CADM2: variants seen among roughly 807,000 people sequenced by gnomAD.
CADM2 encodes the protein cell adhesion molecule 2, also known as immunoglobulin superfamily member 4D.
Under a neutral mutation model 49.8 loss-of-function variants are expected in CADM2, and 12 were observed. That is an observed-to-expected ratio of 0.24 (90% CI 0.15 to 0.39). The LOEUF is 0.39. Among genes scored for constraint, CADM2 ranks in the 10% least tolerant of loss-of-function variants. CADM2 has a pLI of 1.00. For missense variants in CADM2, 378 were observed against 492.3 expected, an observed-to-expected ratio of 0.77 and a Z score of 2.20; for synonymous variants, 214 against 175.4, an observed-to-expected ratio of 1.22 and a Z score of -1.74.
chr3:85,905,268 C>T (rs538325234), intron 5 of CADM2, among the ~76,000 whole-genome samples: 2 of 152,046 alleles, frequency 1.3e-5, no homozygotes, highest in African/African-American at 2.4e-5. Context: ...TATAGATCTG[C>T]GTAAAAGAAA....
intron 1 of CADM2, among the ~76,000 whole-genome samples, chr3:85,395,202 G>A (rs1279119822): frequency 6.6e-6 from 1 of 150,904 alleles, no homozygotes; most frequent in African/African-American, 2.4e-5. Flanking sequence ...GGAGGCTGAG[G>A]CTGGAGGATC....
At chr3:85,273,223 A>C (rs1165084182) in intron 1 of CADM2, among the ~76,000 whole-genome samples, 2 of 151,372 alleles carry the variant, frequency 1.3e-5, no homozygotes, top group African/African-American at 4.8e-5. Context: ...ATAGATCAGT[A>C]AGAAATAATA....
At chr3:85,180,162 T>C (rs550442665) in intron 1 of CADM2, among the ~76,000 whole-genome samples, 68 of 152,196 alleles carry the variant, frequency 4.5e-4, no homozygotes, top group African/African-American at 1.6e-3. Context: ...ATTGGGAAGA[T>C]GATTTTTGAT....
chr3:85,962,684 C>T lies in CADM2; in HGVS notation c.970+1037C>T, dbSNP rs963335401. On this transcript the variant is annotated intron_variant, in intron 8 of 9. Transcript: ENST00000383699. ...GTCAGGTTTCTTTACTACAGTACTT[C>T]CCAGACTTTATTGTATATGTCAGGG... 2.6e-5 allele frequency among the ~76,000 whole-genome samples: 4 copies of T among 151,850 alleles called. No individual in the cohort carries two copies. In the Admixed American group the frequency reaches 2.6e-4, roughly 10 times the overall value.
chr3:85,393,059 G>C (rs947390637), intron 1 of CADM2, among the ~76,000 whole-genome samples: 1 of 138,232 alleles, frequency 7.2e-6, no homozygotes, highest in Admixed American at 7.5e-5. Flanking sequence ...AGTTGAAGAA[G>C]AGAAAACCTG....
chr3:85,503,890 T>C (rs1468828747), intron 1 of CADM2, among the ~76,000 whole-genome samples: 2 of 152,218 alleles, frequency 1.3e-5, no homozygotes, highest in Admixed American at 6.5e-5. Flanking sequence ...GAGTGCACTG[T>C]GTTAAGGCAG....
At chr3:85,815,751 T>C (rs2073166451) in intron 3 of CADM2, among the ~76,000 whole-genome samples, 1 of 152,006 alleles carries the variant, frequency 6.6e-6, no homozygotes, top group Non-Finnish European at 1.5e-5. Context: ...GCCCGGACAA[T>C]GAGGCAAGAG....
intron 1 of CADM2, among the ~76,000 whole-genome samples, chr3:84,993,798 C>G (rs1296458303): frequency 1.3e-5 from 2 of 152,106 alleles, no homozygotes; most frequent in East Asian, 3.9e-4. Flanking sequence ...TTTTTTCCTA[C>G]TATTGTCTCT....
intron 1 of CADM2, among the ~76,000 whole-genome samples, chr3:85,486,343 A>C (rs2039416888): frequency 6.6e-6 from 1 of 152,170 alleles, no homozygotes; most frequent in African/African-American, 2.4e-5. Context: ...AATAATGGGA[A>C]TACATTACAA....
At chr3:85,784,382 A>C (rs1185954417) in intron 2 of CADM2, among the ~76,000 whole-genome samples, 3 of 144,738 alleles carry the variant, frequency 2.1e-5, no homozygotes, top group Admixed American at 1.4e-4. Context: ...TGAAAGAGGA[A>C]TTTTAGTAAT....
At chr3:85,775,207 AG>A (rs1315324012) in intron 2 of CADM2, among the ~76,000 whole-genome samples, 1 of 151,754 alleles carries the variant, frequency 6.6e-6, no homozygotes, top group African/African-American at 2.4e-5. Flanking sequence ...ATCTAATGCA[AG>A]TTAAAACCCA....
chr3:85,489,522 C>T (rs953547658), intron 1 of CADM2, among the ~76,000 whole-genome samples: 6 of 151,974 alleles, frequency 3.9e-5, no homozygotes, highest in Non-Finnish European at 8.8e-5. Context: ...AATACATGAA[C>T]ATTAATAATC....
At position 84,959,266 on chromosome 3, in the gene CADM2, A is replaced by C. The variant is rs2030203905; in HGVS notation, c.-342A>C. On this transcript the variant is annotated 5_prime_UTR_variant, in exon 1 of 10. Transcript: ENST00000383699. ...TCCAACACCCCGGCATCCCTGCACC[A>C]CCTGCTCGGGCAGCCCCGGCGGGCT... 1 of 457,352 alleles carries C rather than the reference A, an allele frequency of 2.2e-6. No individual in the cohort carries two copies. The highest frequency in any genetic ancestry group is 4.0e-6 in the Non-Finnish European group (1 of 251,312). The allele number at this position is 457,352 out of a possible 1,614,324, so 28.3% of individuals were successfully genotyped here. A position where few individuals can be genotyped will look rare whatever the true frequency, so the allele number is the denominator to read the frequency against.
In CADM2 at chr3:85,409,111, G is replaced by A. The variant is rs543175272; in HGVS notation, c.62-317411G>A. 1.9e-4 allele frequency among the ~76,000 whole-genome samples: 29 copies of A among 152,170 alleles called. No individual in the cohort carries two copies. The South Asian group carries it at 3.3e-3, about 17-fold the overall frequency. On this transcript the variant is annotated intron_variant, in intron 1 of 9. Coordinates refer to ENST00000383699, the MANE Select transcript of CADM2 (RefSeq NM_001167675.2). ...CAAATGAATCCAGTGTTCTTCTAGC[G>A]TTTGGGAGACTTTAGTGTAAATGCA... is the stretch of plus-strand genomic sequence containing the variant.
intron 1 of CADM2, among the ~76,000 whole-genome samples, chr3:85,161,995 G>A (rs1158450125): frequency 6.6e-6 from 1 of 152,012 alleles, no homozygotes; most frequent in African/African-American, 2.4e-5. Flanking sequence ...CGCAACAAGA[G>A]CAAGACTCCA....
At chr3:85,538,799 G>C (rs1318330164) in intron 1 of CADM2, among the ~76,000 whole-genome samples, 1 of 152,044 alleles carries the variant, frequency 6.6e-6, no homozygotes, top group Non-Finnish European at 1.5e-5. Flanking sequence ...AGTCTGATGT[G>C]GGAAGTGAGA....
At chr3:85,078,141 AAATGGCTGGTAACTAAACTCT>A (rs1330272532) in intron 1 of CADM2, among the ~76,000 whole-genome samples, 1 of 152,084 alleles carries the variant, frequency 6.6e-6, no homozygotes. Context: ...AGTAAGGGAT[AAATGGCTGGTAACTAAACTCT>A]AAGAATTTTT....
chr3:85,338,615 T>C (rs986991599), intron 1 of CADM2, among the ~76,000 whole-genome samples: 1 of 151,616 alleles, frequency 6.6e-6, no homozygotes, highest in Non-Finnish European at 1.5e-5. Context: ...ACAGAAGCTT[T>C]TTGATAATTG....
intron 1 of CADM2, among the ~76,000 whole-genome samples, chr3:85,457,479 T>C (rs1366264793): frequency 6.6e-6 from 1 of 152,134 alleles, no homozygotes; most frequent in Non-Finnish European, 1.5e-5. Flanking sequence ...TGAGTGTTCA[T>C]ATGAAAAAGA....
Sources: gnomAD v4.1 joint callset for allele counts (sites outside exome capture counted in the v4.1 genomes callset) on GRCh38, gnomAD v4.1.1 for gene constraint, MANE v1.5 for transcripts, NCBI Gene and HGNC (gene_info 2026-07-23, HGNC 2026-07-21) for gene names.